Variants in GRIK2 observed in about 807,000 individuals in gnomAD.
The protein encoded by GRIK2 is glutamate receptor ionotropic, kainate 2.
GRIK2 carries 32 observed loss-of-function variants against 100.3 expected under a neutral mutation model. That is an observed-to-expected ratio of 0.32 (90% CI 0.24 to 0.43). GRIK2 has a LOEUF of 0.43. GRIK2 is among the 20% of genes least tolerant of loss of function. The pLI, the probability that GRIK2 is intolerant of heterozygous loss-of-function variation, is 1.00. For missense variants in GRIK2, 843 were observed against 1,114.9 expected (o/e 0.76, Z 3.47); for synonymous variants, 417 against 389.4 (o/e 1.07, Z -0.83).
intron 2 of GRIK2, among the ~76,000 whole-genome samples, chr6:101,557,611 T>C (rs1216523852): frequency 2.0e-5 from 3 of 152,176 alleles, no homozygotes; most frequent in African/African-American, 7.2e-5. Flanking sequence ...AAATATTTGC[T>C]TTTCTAACTC....
intron 2 of GRIK2, among the ~76,000 whole-genome samples, chr6:101,412,264 A>G (rs1244511605): frequency 6.6e-6 from 1 of 152,122 alleles, no homozygotes; most frequent in African/African-American, 2.4e-5. Context: ...ATAATTGCAT[A>G]TACTGATTTA....
intron 2 of GRIK2, among the ~76,000 whole-genome samples, chr6:101,534,764 A>G (rs1453119335): frequency 6.6e-6 from 1 of 151,888 alleles, no homozygotes; most frequent in Non-Finnish European, 1.5e-5. Flanking sequence ...CTCACCAACT[A>G]AAACGCCATC....
chr6:101,790,407 T>G (rs1779758025), intron 7 of GRIK2, among the ~76,000 whole-genome samples: 2 of 152,174 alleles, frequency 1.3e-5, no homozygotes, highest in South Asian at 4.1e-4. Flanking sequence ...TTGAGAATTT[T>G]TAGCATGAAG....
intron 2 of GRIK2, among the ~76,000 whole-genome samples, chr6:101,595,510 T>C (rs1778874981): frequency 6.6e-6 from 1 of 151,574 alleles, no homozygotes; most frequent in Non-Finnish European, 1.5e-5. Context: ...CCAGATTCTA[T>C]GTAGTTCAAA....
intron 2 of GRIK2, among the ~76,000 whole-genome samples, chr6:101,508,399 A>C (rs1289613768): frequency 6.6e-6 from 1 of 151,966 alleles, no homozygotes; most frequent in African/African-American, 2.4e-5. Context: ...CAAAATGTTA[A>C]ATAAATTAAG....
At chr6:101,564,690 T>A (rs1220083206) in intron 2 of GRIK2, among the ~76,000 whole-genome samples, 1 of 152,120 alleles carries the variant, frequency 6.6e-6, no homozygotes, top group Admixed American at 6.6e-5. Context: ...CTCCACCAGA[T>A]TAACTTCTTC....
At chr6:101,960,045 A>AGG (rs1792187403) in intron 14 of GRIK2, among the ~76,000 whole-genome samples, 1 of 86,938 alleles carries the variant, frequency 1.2e-5, no homozygotes, top group Non-Finnish European at 2.2e-5. Context: ...GCCTTTTTTT[A>AGG]GTGTTTTGTT....
intron 14 of GRIK2, among the ~76,000 whole-genome samples, chr6:102,004,179 T>G (rs1795089854): frequency 6.6e-6 from 1 of 151,604 alleles, no homozygotes; most frequent in South Asian, 2.1e-4. Flanking sequence ...GCTTATTTTA[T>G]ATTACATTCA....
chr6:101,649,442 G>T (rs77405778), intron 4 of GRIK2, among the ~76,000 whole-genome samples: 22 of 151,958 alleles, frequency 1.4e-4, no homozygotes, highest in African/African-American at 5.1e-4. Context: ...TCTGGATCAC[G>T]TGGGTTGGAG....
chr6:101,496,550 CAA>C (rs1773459018), intron 2 of GRIK2, among the ~76,000 whole-genome samples: 1 of 152,104 alleles, frequency 6.6e-6, no homozygotes, highest in Non-Finnish European at 1.5e-5. Flanking sequence ...ATTTTGTCAA[CAA>C]TGATTAAATT....
chr6:101,533,449 G>A (rs1775539295), intron 2 of GRIK2, among the ~76,000 whole-genome samples: 1 of 151,848 alleles, frequency 6.6e-6, no homozygotes, highest in Non-Finnish European at 1.5e-5. Flanking sequence ...TAACTTGTGG[G>A]CTGCAAAAGA....
At chr6:101,524,567 A>C (rs1485934959) in intron 2 of GRIK2, among the ~76,000 whole-genome samples, 1 of 152,108 alleles carries the variant, frequency 6.6e-6, no homozygotes, top group African/African-American at 2.4e-5. Flanking sequence ...ATGTAGAAGA[A>C]ACCCAAGGCC....
At chr6:101,848,989 G>T (rs1783962323) in intron 10 of GRIK2, among the ~76,000 whole-genome samples, 1 of 151,774 alleles carries the variant, frequency 6.6e-6, no homozygotes, top group African/African-American at 2.4e-5. Context: ...CATAATAAAA[G>T]TAAACCTATC....
intron 2 of GRIK2, among the ~76,000 whole-genome samples, chr6:101,609,369 T>A (rs954060291): frequency 4.6e-5 from 7 of 151,846 alleles, no homozygotes; most frequent in Non-Finnish European, 8.8e-5. Context: ...GTAAGAATTT[T>A]TAAAATAAAT....
rs1378395526 is a variant in GRIK2, at chr6:101,424,155, T to C, written c.115+24763T>C. ...AATCTTGCTCTATCCAAATTTTTTTTCTTCAGAATTTTTTTTATTTTTTTT... is the reference window on the plus strand; with the variant it reads ...AATCTTGCTCTATCCAAATTTTTTTCCTTCAGAATTTTTTTTATTTTTTTT... On this transcript the variant is annotated intron_variant, in intron 2 of 16. Coordinates refer to ENST00000369134, the MANE Select transcript of GRIK2 (RefSeq NM_021956.5). Among the ~76,000 whole-genome samples the C allele has an allele frequency of 2.6e-5, 4 of 151,974 alleles. No homozygotes were observed. In the East Asian group the frequency reaches 7.7e-4, roughly 29 times the overall value.
intron 7 of GRIK2, among the ~76,000 whole-genome samples, chr6:101,694,043 C>A (rs1582973614): frequency 6.6e-6 from 1 of 152,070 alleles, no homozygotes; most frequent in African/African-American, 2.4e-5. Flanking sequence ...AGGTGATGCC[C>A]AATGCCCTGA....
At chr6:101,634,688 C>A (rs975927791) in intron 4 of GRIK2, among the ~76,000 whole-genome samples, 3 of 151,730 alleles carry the variant, frequency 2.0e-5, no homozygotes, top group Non-Finnish European at 4.4e-5. Flanking sequence ...AGCTTACAGA[C>A]AGAATGTACA....
At chr6:101,991,751 CTGT>C (rs531903183) in intron 14 of GRIK2, among the ~76,000 whole-genome samples, 70 of 151,488 alleles carry the variant, frequency 4.6e-4, no homozygotes, top group Middle Eastern at 6.8e-3. Context: ...ATATATGATT[CTGT>C]TGTTGTTGGT....
chr6:101,858,953 T>C, intron 10 of GRIK2, among the ~76,000 whole-genome samples: 1 of 151,878 alleles, frequency 6.6e-6, no homozygotes, highest in Non-Finnish European at 1.5e-5. Context: ...AGATGTCGGA[T>C]ATGATGTATT....
Sources: gnomAD v4.1 joint callset for allele counts (sites outside exome capture counted in the v4.1 genomes callset) on GRCh38, gnomAD v4.1.1 for gene constraint, MANE v1.5 for transcripts, NCBI Gene and HGNC (gene_info 2026-07-23, HGNC 2026-07-21) for gene names.